Variants in TRPM3 observed in about 807,000 individuals in gnomAD.
TRPM3 encodes the protein transient receptor potential cation channel subfamily M member 3, also known as long transient receptor potential channel 3.
Under a neutral mutation model 181.2 loss-of-function variants are expected in TRPM3, and 77 were observed. The ratio of observed to expected loss-of-function variants is 0.42; its 90% confidence interval spans 0.35 to 0.51. TRPM3 has a LOEUF of 0.51. Among genes scored for constraint, TRPM3 ranks in the 20% least tolerant of loss-of-function variants. The pLI is 0.01. For missense variants in TRPM3, 1,759 were observed against 2,196.7 expected, an observed-to-expected ratio of 0.80 and a Z score of 3.98; for synonymous variants, 745 against 796.4, an observed-to-expected ratio of 0.94 and a Z score of 1.09.
chr9:71,014,067 A>C (rs1448503308), intron 1 of TRPM3, among the ~76,000 whole-genome samples: 2 of 151,778 alleles, frequency 1.3e-5, no homozygotes, highest in East Asian at 3.8e-4. Flanking sequence ...GAGGCTCTAA[A>C]CTCTTCCTTA....
At position 70,784,203 on chromosome 9, in the gene TRPM3, G is replaced by A; in HGVS notation, c.1050C>T (p.Tyr350=). ...CTGGCACGGGAGGGGTGTCTCGAAG[G>A]TACTCCAAAACAATCGAGATCACAT... ...GPNVISIVLE[Y]LRDTPPVPVV... The change falls in exon 7 of 26, where the codon TAC becomes TAT. Residue 350 remains tyrosine (Y), a synonymous_variant. Coordinates refer to ENST00000677713, the MANE Select transcript of TRPM3 (RefSeq NM_001366145.2). 2 of 1,613,624 alleles carry A rather than the reference G, an allele frequency of 1.2e-6. No homozygotes were observed. The highest frequency in any genetic ancestry group is 1.7e-6 in the Non-Finnish European group (2 of 1,179,798).
intron 1 of TRPM3, among the ~76,000 whole-genome samples, chr9:70,946,227 ACTC>A (rs2096930921): frequency 6.6e-6 from 1 of 151,714 alleles, no homozygotes; most frequent in Admixed American, 6.6e-5. Flanking sequence ...GCAGTCTTGA[ACTC>A]CTGGACTCAA....
chr9:70,824,905 C>A (rs1424092685), intron 6 of TRPM3: 1 of 152,180 alleles, frequency 6.6e-6, no homozygotes, highest in Non-Finnish European at 1.5e-5. Flanking sequence ...GTTCTAGAGG[C>A]CTTTGTGTTC....
intron 1 of TRPM3, among the ~76,000 whole-genome samples, chr9:71,231,316 T>C (rs1320769898): frequency 6.6e-6 from 1 of 152,118 alleles, no homozygotes; most frequent in African/African-American, 2.4e-5. Context: ...CAAAGACATG[T>C]GGACAATGGA....
At chr9:71,348,710 GC>G (rs1479685998) in intron 1 of TRPM3, among the ~76,000 whole-genome samples, 1 of 151,676 alleles carries the variant, frequency 6.6e-6, no homozygotes, top group Non-Finnish European at 1.5e-5. Flanking sequence ...GATTACAGGT[GC>G]CCCCTACCAA....
intron 1 of TRPM3, among the ~76,000 whole-genome samples, chr9:70,879,282 T>C (rs1463144332): frequency 6.6e-6 from 1 of 152,116 alleles, no homozygotes; most frequent in African/African-American, 2.4e-5. Context: ...ACAGAGTTAG[T>C]GCTCTCAGCA....
intron 1 of TRPM3, among the ~76,000 whole-genome samples, chr9:71,345,263 T>C (rs1204781663): frequency 6.6e-6 from 1 of 152,168 alleles, no homozygotes; most frequent in Non-Finnish European, 1.5e-5. Flanking sequence ...GGATTACAAA[T>C]CATTCTACTA....
chr9:71,346,167 T>C (rs187665271), intron 1 of TRPM3, among the ~76,000 whole-genome samples: 1 of 152,214 alleles, frequency 6.6e-6, no homozygotes, highest in East Asian at 1.9e-4. Context: ...ATATGACATA[T>C]TCATACAATG....
At chr9:71,319,379 G>A (rs1171347967) in intron 1 of TRPM3, among the ~76,000 whole-genome samples, 31 of 152,132 alleles carry the variant, frequency 2.0e-4, no homozygotes, top group South Asian at 2.1e-4. Flanking sequence ...GTGAAGCCAA[G>A]GGTGTAAGTC....
intron 9 of TRPM3, among the ~76,000 whole-genome samples, chr9:70,661,423 TG>T (rs1290698029): frequency 3.3e-5 from 5 of 152,054 alleles, no homozygotes; most frequent in African/African-American, 1.2e-4. Context: ...AACTTAGTAC[TG>T]GAAGTCCTAA....
chr9:70,765,315 G>A (rs2078903012), intron 7 of TRPM3, among the ~76,000 whole-genome samples: 1 of 152,208 alleles, frequency 6.6e-6, no homozygotes, highest in Non-Finnish European at 1.5e-5. Flanking sequence ...TGCGGGCCGG[G>A]TTTGGTGGCT....
chr9:71,001,142 T>C (rs566843220), intron 1 of TRPM3, among the ~76,000 whole-genome samples: 1 of 152,288 alleles, frequency 6.6e-6, no homozygotes, highest in South Asian at 2.1e-4. Context: ...TGATTTTTAA[T>C]GCTCTTTGAA....
intron 1 of TRPM3, among the ~76,000 whole-genome samples, chr9:71,163,643 G>A (rs1305131462): frequency 6.6e-6 from 1 of 152,154 alleles, no homozygotes; most frequent in Non-Finnish European, 1.5e-5. Flanking sequence ...AGAATCATCA[G>A]TGTGGGTACA....
intron 1 of TRPM3, among the ~76,000 whole-genome samples, chr9:71,418,255 A>C (rs2093667776): frequency 6.6e-6 from 1 of 151,870 alleles, no homozygotes; most frequent in South Asian, 2.1e-4. Context: ...GGCAAACACA[A>C]ACCAAAGGGA....
chr9:70,907,565 T>A (rs1321021484), intron 1 of TRPM3, among the ~76,000 whole-genome samples: 2 of 152,226 alleles, frequency 1.3e-5, no homozygotes, highest in African/African-American at 4.8e-5. Flanking sequence ...TATGTCTTTA[T>A]TTTAGATTCA....
At chr9:71,174,995 T>C (rs1335500265) in intron 1 of TRPM3, among the ~76,000 whole-genome samples, 3 of 152,092 alleles carry the variant, frequency 2.0e-5, no homozygotes, top group African/African-American at 7.2e-5. Flanking sequence ...CCCACAGTTA[T>C]AAGGACATGG....
At chr9:71,007,039 CAAAAAAAAAAAA>C (rs59442017) in intron 1 of TRPM3, among the ~76,000 whole-genome samples, 4 of 27,982 alleles carry the variant, frequency 1.4e-4, no homozygotes, top group East Asian at 2.9e-3. Flanking sequence ...AACTCCATCT[CAAAAAAAAAAAA>C]AAAAAAAAAA....
At chr9:71,372,660 AAG>A (rs2132811609) in intron 1 of TRPM3, among the ~76,000 whole-genome samples, 1 of 152,270 alleles carries the variant, frequency 6.6e-6, no homozygotes, top group East Asian at 1.9e-4. Flanking sequence ...TCCTTTTGAG[AAG>A]AGTCTGTTCA....
At chr9:70,616,503 C>G (rs952840281) in intron 17 of TRPM3, among the ~76,000 whole-genome samples, 2 of 80,688 alleles carry the variant, frequency 2.5e-5, no homozygotes, top group African/African-American at 8.0e-5. Flanking sequence ...ATACATCTGT[C>G]CACTGGCATT....
Sources: allele counts gnomAD v4.1 joint callset (sites outside exome capture counted in the v4.1 genomes callset), GRCh38; gene constraint gnomAD v4.1.1; transcripts MANE v1.5; gene names NCBI Gene and HGNC (gene_info 2026-07-23, HGNC 2026-07-21).